PDZD2: variants seen among roughly 807,000 people sequenced by gnomAD.
The protein encoded by PDZD2 is PDZ domain containing 2.
PDZD2 carries 90 observed loss-of-function variants against 220.7 expected under a neutral mutation model. That is an observed-to-expected ratio of 0.41 (90% CI 0.34 to 0.49). PDZD2 has a LOEUF of 0.49. Ranked by LOEUF, PDZD2 falls within the 20% of genes least tolerant of loss-of-function variation. The pLI, the probability that PDZD2 is intolerant of heterozygous loss-of-function variation, is 0.28. For missense variants in PDZD2, 3,174 were observed against 3,608.5 expected (o/e 0.88, Z 3.08); for synonymous variants, 1,375 against 1,450.5 (o/e 0.95, Z 1.18).
At chr5:31,707,793 AT>A (rs531691396) in intron 1 of PDZD2, among the ~76,000 whole-genome samples, 282 of 152,130 alleles carry the variant, frequency 1.9e-3, no homozygotes, top group African/African-American at 6.4e-3. Flanking sequence ...TGACCAGGTA[AT>A]TTTTGTATTA....
At chr5:32,071,685 A>G (rs565743803) in intron 16 of PDZD2, among the ~76,000 whole-genome samples, 1 of 152,374 alleles carries the variant, frequency 6.6e-6, no homozygotes, top group Admixed American at 6.5e-5. Context: ...AAACTGCTCC[A>G]TAATAAAGCA....
rs562973937 is a variant in PDZD2 at position 31,930,190 on chromosome 5, G to C, written c.477-52965G>C. ...TTTCTTTGTACATTACCCAGTCTCAGGTATTCTTTTTTTTTTTTTTTTTTT... is the reference window on the plus strand; with the variant it reads ...TTTCTTTGTACATTACCCAGTCTCACGTATTCTTTTTTTTTTTTTTTTTTT... On this transcript the variant is annotated intron_variant, in intron 2 of 24. Transcript: ENST00000438447. Among the ~76,000 whole-genome samples the C allele has an allele frequency of 7.3e-5, 10 of 137,816 alleles. No homozygotes were observed. In the South Asian group the frequency reaches 2.4e-3, roughly 34 times the overall value. The allele number at this position is 137,816 out of a possible 152,430, so 90.4% of individuals were successfully genotyped here. A position where few individuals can be genotyped will look rare whatever the true frequency, so the allele number is the denominator to read the frequency against.
chr5:31,663,063 C>G (rs13176899), intron 1 of PDZD2, among the ~76,000 whole-genome samples: 1 of 151,976 alleles, frequency 6.6e-6, no homozygotes, highest in African/African-American at 2.4e-5. Context: ...CTTTCCTGCC[C>G]CTCACTACTA....
chr5:31,963,785 A>G (rs1392590914), intron 2 of PDZD2, among the ~76,000 whole-genome samples: 1 of 152,204 alleles, frequency 6.6e-6, no homozygotes, highest in Non-Finnish European at 1.5e-5. Flanking sequence ...TCTCTCTGGC[A>G]GAAGAGCGTG....
At chr5:31,922,159 A>G (rs900041322) in intron 2 of PDZD2, among the ~76,000 whole-genome samples, 1 of 152,230 alleles carries the variant, frequency 6.6e-6, no homozygotes, top group African/African-American at 2.4e-5. Context: ...AGAAATTTCC[A>G]TATATGACCC....
intron 2 of PDZD2, among the ~76,000 whole-genome samples, chr5:31,968,381 C>T (rs183779794): frequency 3.3e-4 from 50 of 151,958 alleles, no homozygotes; most frequent in African/African-American, 1.2e-3. Context: ...AAGCTGGGCA[C>T]GGTGGCTCAC....
intron 10 of PDZD2, among the ~76,000 whole-genome samples, chr5:32,055,842 G>A (rs960060308): frequency 6.6e-6 from 1 of 152,128 alleles, no homozygotes; most frequent in Non-Finnish European, 1.5e-5. Context: ...TGTTTGTGTT[G>A]AGTTTTAGAA....
intron 6 of PDZD2, among the ~76,000 whole-genome samples, chr5:32,016,933 C>A (rs1287819355): frequency 6.6e-6 from 1 of 152,196 alleles, no homozygotes; most frequent in East Asian, 1.9e-4. Context: ...GTGGAGGCTC[C>A]ATGGGGGCAG....
At chr5:31,850,861 C>A (rs1442499643) in intron 2 of PDZD2, among the ~76,000 whole-genome samples, 3 of 152,052 alleles carry the variant, frequency 2.0e-5, no homozygotes, top group Admixed American at 6.5e-5. Context: ...TGGTCTTGAT[C>A]TCCTGACCTC....
At chr5:31,690,377 C>T (rs573947166) in intron 1 of PDZD2, among the ~76,000 whole-genome samples, 3 of 152,120 alleles carry the variant, frequency 2.0e-5, no homozygotes, top group South Asian at 4.1e-4. Context: ...TGGCAGATGA[C>T]GAGGATGATG....
chr5:31,941,005 A>G (rs932875856), intron 2 of PDZD2, among the ~76,000 whole-genome samples: 2 of 152,194 alleles, frequency 1.3e-5, no homozygotes, highest in African/African-American at 4.8e-5. Context: ...ATTTCCACAC[A>G]AATCATAACA....
At chr5:31,760,248 T>C (rs1284520259) in intron 1 of PDZD2, among the ~76,000 whole-genome samples, 2 of 152,202 alleles carry the variant, frequency 1.3e-5, no homozygotes, top group Non-Finnish European at 2.9e-5. Context: ...TCTCAGGAAA[T>C]GTGCTGACAG....
At chr5:31,903,656 A>C (rs983963776) in intron 2 of PDZD2, among the ~76,000 whole-genome samples, 1 of 151,004 alleles carries the variant, frequency 6.6e-6, no homozygotes, top group African/African-American at 2.4e-5. Context: ...AAAAAAAAAA[A>C]AAAAAAAGAA....
chr5:31,766,638 C>T (rs532767711), intron 1 of PDZD2, among the ~76,000 whole-genome samples: 6 of 152,236 alleles, frequency 3.9e-5, no homozygotes, highest in Admixed American at 1.3e-4. Context: ...GACATCTGCC[C>T]GCCTCAGCCT....
At chr5:31,998,673 A>C (rs998182529) in intron 4 of PDZD2, among the ~76,000 whole-genome samples, 1 of 152,218 alleles carries the variant, frequency 6.6e-6, no homozygotes, top group Non-Finnish European at 1.5e-5. Context: ...CCACATTGGA[A>C]GAGGAAGAAT....
At chr5:32,080,395 G>C (rs1741819656) in intron 19 of PDZD2, among the ~76,000 whole-genome samples, 1 of 148,310 alleles carries the variant, frequency 6.7e-6, no homozygotes. Context: ...GTTTCTATTT[G>C]AGGGAGATGA....
In PDZD2 at chr5:31,964,762, C is replaced by A. The variant is rs554415965; in HGVS notation, c.477-18393C>A. On this transcript the variant is annotated intron_variant, in intron 2 of 24. Transcript: ENST00000438447. ...GCGGAGTCTCGCTCTGTCGCCCAGG[C>A]TGGAGGGCAGCGGCGCGATCTCGGC... 5.5e-3 allele frequency among the ~76,000 whole-genome samples: 836 copies of A among 152,278 alleles called. 12 individuals carry two copies. Among genetic ancestry groups the A allele is most frequent in the African/African-American group, 0.019 (786 of 41,554 alleles).
rs78065508 is a variant in PDZD2, at chr5:31,758,308, A to G, written c.-360-40581A>G. ...AGCACCTTGGAAGTCGTGCCCAGTGACTGCTGGAAAGAGTGCCGATGGCAC... is the reference window on the plus strand; with the variant it reads ...AGCACCTTGGAAGTCGTGCCCAGTGGCTGCTGGAAAGAGTGCCGATGGCAC... On this transcript the variant is annotated intron_variant, in intron 1 of 24. Transcript: ENST00000438447. 5.4e-3 allele frequency among the ~76,000 whole-genome samples: 825 copies of G among 152,326 alleles called. 5 individuals are homozygous for G. Among genetic ancestry groups the G allele is most frequent in the African/African-American group, 0.019 (776 of 41,582 alleles).
chr5:32,074,571 GGACTC>G lies in PDZD2; in HGVS notation c.3468_3472del (p.Asp1156GlufsTer40). The G allele has an allele frequency of 6.2e-7, 1 of 1,613,924 alleles. No homozygotes were observed. The highest frequency in any genetic ancestry group is 8.5e-7 in the Non-Finnish European group (1 of 1,179,980). On this transcript the variant is annotated frameshift_variant, in exon 18 of 25. Coordinates refer to ENST00000438447, the MANE Select transcript of PDZD2 (RefSeq NM_178140.4). LOFTEE classifies it high-confidence loss of function. The stretch of plus-strand genomic sequence containing the variant: ...GCAGAGCCAATGATCCATGCGATCT[GGACTC>G]GAGAGTCCAGGCCACTTCTGTCAAA...
Sources: gnomAD v4.1 joint callset for allele counts (sites outside exome capture counted in the v4.1 genomes callset) on GRCh38, gnomAD v4.1.1 for gene constraint, MANE v1.5 for transcripts, NCBI Gene and HGNC (gene_info 2026-07-23, HGNC 2026-07-21) for gene names.